LRIG1: variants seen among roughly 807,000 people sequenced by gnomAD.
The protein encoded by LRIG1 is leucine-rich repeats and immunoglobulin-like domains protein 1.
Under a neutral mutation model 99.2 loss-of-function variants are expected in LRIG1, and 48 were observed. That is an observed-to-expected ratio of 0.48 (90% confidence interval 0.38 to 0.62). LRIG1 has a LOEUF of 0.62. Among genes scored for constraint, LRIG1 ranks in the 20% least tolerant of loss-of-function variants. The probability of loss-of-function intolerance (pLI) is 0.00; values close to 1 mark genes in which losing one functional copy is unlikely to be tolerated. For missense variants in LRIG1, 1,646 were observed against 1,434.4 expected, an observed-to-expected ratio of 1.15 and a Z score of -2.38; for synonymous variants, 772 against 596.1, an observed-to-expected ratio of 1.29 and a Z score of -4.30.
chr3:66,445,312 C>A (rs530922677), intron 3 of LRIG1, among the ~76,000 whole-genome samples: 2 of 151,634 alleles, frequency 1.3e-5, no homozygotes, highest in African/African-American at 4.9e-5. Context: ...TTTACCCAAA[C>A]GGACTGGCCA....
intron 3 of LRIG1, among the ~76,000 whole-genome samples, chr3:66,439,470 C>G (rs1428553462): frequency 6.6e-6 from 1 of 152,070 alleles, no homozygotes; most frequent in Non-Finnish European, 1.5e-5. Flanking sequence ...TCCCATTATA[C>G]AATTATCCAA....
At chr3:66,462,113 G>A (rs1419620028) in intron 2 of LRIG1, among the ~76,000 whole-genome samples, 1 of 152,144 alleles carries the variant, frequency 6.6e-6, no homozygotes, top group Non-Finnish European at 1.5e-5. Context: ...GCGTGGTGGT[G>A]CAGGAACTGT....
chr3:66,452,838 T>C (rs561205676), intron 2 of LRIG1, among the ~76,000 whole-genome samples: 8 of 152,216 alleles, frequency 5.3e-5, no homozygotes, highest in Admixed American at 5.2e-4. Flanking sequence ...ATTACTGGGC[T>C]GTGGGACATA....
intron 1 of LRIG1, among the ~76,000 whole-genome samples, 156 bp from the exon 2 acceptor site, chr3:66,462,665 G>A (rs1700381323): frequency 6.6e-6 from 1 of 150,688 alleles, no homozygotes; most frequent in African/African-American, 2.4e-5. Context: ...GAGATTTACA[G>A]ACATACCCCC....
rs1559768768 is a variant in LRIG1, at chr3:66,386,263, T to C, written c.1507A>G (p.Thr503Ala). 3 of 1,614,034 alleles carry C rather than the reference T, an allele frequency of 1.9e-6. No individual in the cohort carries two copies. Among genetic ancestry groups the C allele is most frequent in the Non-Finnish European group, 1.7e-6 (2 of 1,179,984 alleles). ...LKPQIITQPE[T>A]TMAMVGKDIR... ...TCCTTGCCCACCATAGCCATGGTGG[T>C]TTCTGGCTGGGTGATGATCTGTGGC... Residue 503 changes from threonine (T) to alanine (A), a missense_variant, in exon 13 of 19, where the codon ACC (threonine) becomes GCC (alanine). Thr to Ala is a moderately conservative substitution (Grantham distance 58). Coordinates refer to ENST00000273261, the MANE Select transcript of LRIG1 (RefSeq NM_015541.3).
At chr3:66,473,728 G>A (rs1324436289) in intron 1 of LRIG1, among the ~76,000 whole-genome samples, 2 of 152,186 alleles carry the variant, frequency 1.3e-5, no homozygotes, top group Admixed American at 6.5e-5. Flanking sequence ...ATTACAGGGA[G>A]GCACGCGACT....
At chr3:66,421,053 C>G (rs1702792366) in intron 3 of LRIG1, among the ~76,000 whole-genome samples, 1 of 152,166 alleles carries the variant, frequency 6.6e-6, no homozygotes, top group African/African-American at 2.4e-5. Context: ...CATTCACTAT[C>G]ATGAGAACAG....
intron 1 of LRIG1, among the ~76,000 whole-genome samples, chr3:66,480,095 C>G (rs1479626286): frequency 2.0e-5 from 3 of 152,152 alleles, no homozygotes; most frequent in Non-Finnish European, 4.4e-5. Flanking sequence ...AAAGAAAATA[C>G]AGTCTCTCCT....
At position 66,383,246 on chromosome 3, in the gene LRIG1, G is replaced by C. The variant is rs1178883859; in HGVS notation, c.2227C>G (p.Pro743Ala). The C allele has an allele frequency of 6.2e-7, 1 of 1,614,204 alleles. No homozygotes were observed. The highest frequency in any genetic ancestry group is 2.2e-5 in the East Asian group (1 of 44,858). The change falls in exon 15 of 19, where the codon CCT becomes GCT. Residue 743 changes from proline to alanine, a missense_variant. Transcript: ENST00000273261. ...LSLTERHHLT[P>A]DNQLLVVQNV... is the part of the protein sequence containing the mutation. Reference sequence around the variant, plus strand: ...TGAACCACCAGGAGCTGGTTGTCAGGGGTCAAGTGGTGCCGCTCAGTGAGG... The same window carrying C: ...TGAACCACCAGGAGCTGGTTGTCAGCGGTCAAGTGGTGCCGCTCAGTGAGG...
At chr3:66,405,150 G>C (rs765908700) in intron 9 of LRIG1, 48 bp downstream of exon 9, 1 of 1,539,576 alleles carries the variant, frequency 6.5e-7, no homozygotes, top group Non-Finnish European at 9.0e-7. Context: ...TCCCACCCAA[G>C]TGTGTCCCGC....
intron 1 of LRIG1, among the ~76,000 whole-genome samples, chr3:66,479,176 T>C (rs1001689929): frequency 8.5e-5 from 13 of 152,356 alleles, no homozygotes; most frequent in Admixed American, 8.5e-4. Flanking sequence ...GTCTAATTTA[T>C]AGCTGCAAAG....
chr3:66,405,874 G>T, intron 8 of LRIG1: 1 of 1,084,562 alleles, frequency 9.2e-7, no homozygotes, highest in Non-Finnish European at 1.1e-6. Context: ...AGGATCAGAG[G>T]GATGAGGCCA....
At chr3:66,384,347 C>G in intron 13 of LRIG1, 75 bp from the exon 14 acceptor site, 1 of 1,455,974 alleles carries the variant, frequency 6.9e-7, no homozygotes, top group South Asian at 1.3e-5. Context: ...TGGCAAACAC[C>G]TACCTGTCAC....
At chr3:66,499,905 G>C (rs1391642723) in intron 1 of LRIG1, among the ~76,000 whole-genome samples, 2 of 132,726 alleles carry the variant, frequency 1.5e-5, no homozygotes, top group Non-Finnish European at 3.1e-5. Flanking sequence ...CGCACGACGC[G>C]TGCTGGCTAA....
At chr3:66,393,148 A>G (rs1701690337) in intron 12 of LRIG1, among the ~76,000 whole-genome samples, 1 of 152,192 alleles carries the variant, frequency 6.6e-6, no homozygotes, top group Admixed American at 6.5e-5. Flanking sequence ...ATGGCCAGAA[A>G]GTAGGAGACA....
rs1559758298 is a variant in LRIG1, at chr3:66,378,847, G to GACACTTCAATATTTT, written c.*1401_*1415dup. The GACACTTCAATATTTT allele has an allele frequency of 6.6e-6, 1 of 152,498 alleles. No individual in the cohort carries two copies. 9.4% of individuals were successfully genotyped at this position (152,498 alleles called of 1,614,324 possible). A position where few individuals can be genotyped will look rare whatever the true frequency, so the allele number is the denominator to read the frequency against. Reference sequence around the variant, plus strand: ...AAAGACACTTCAATGCCATTTGTTAGACACTTCAATATTTTACATGGTTTT... The same window carrying GACACTTCAATATTTT: ...AAAGACACTTCAATGCCATTTGTTAGACACTTCAATATTTTACACTTCAATATTTTACATGGTTTT... On this transcript the variant is annotated 3_prime_UTR_variant, in exon 19 of 19. Coordinates refer to ENST00000273261, the MANE Select transcript of LRIG1 (RefSeq NM_015541.3).
chr3:66,394,769 T>A (rs190147643), intron 11 of LRIG1, among the ~76,000 whole-genome samples: 1 of 152,258 alleles, frequency 6.6e-6, no homozygotes, highest in African/African-American at 2.4e-5. Context: ...CAAAGCTGCA[T>A]GTTTTCTTAC....
intron 2 of LRIG1, among the ~76,000 whole-genome samples, chr3:66,460,357 T>A (rs936501891): frequency 2.0e-5 from 3 of 152,150 alleles, no homozygotes; most frequent in African/African-American, 7.2e-5. Flanking sequence ...CCTAACAAGC[T>A]CCATGATGGC....
At chr3:66,424,892 G>C (rs1444594249) in intron 3 of LRIG1, among the ~76,000 whole-genome samples, 2 of 152,218 alleles carry the variant, frequency 1.3e-5, no homozygotes, top group African/African-American at 4.8e-5. Context: ...CTTTGTGTTA[G>C]ATGATTCTGC....
Sources: gnomAD v4.1 joint callset for allele counts (sites outside exome capture counted in the v4.1 genomes callset) on GRCh38, gnomAD v4.1.1 for gene constraint, MANE v1.5 for transcripts, NCBI Gene and HGNC (gene_info 2026-07-23, HGNC 2026-07-21) for gene names.